Variants in RPS6KC1 observed in about 807,000 individuals in gnomAD.
RPS6KC1 encodes ribosomal protein S6 kinase C1.
In RPS6KC1, 54 loss-of-function variants were observed where a neutral mutation model predicts 103.8. The observed-to-expected ratio is 0.52, with a 90% CI of 0.42 to 0.65. The LOEUF is 0.65. RPS6KC1 is among the 30% of genes least tolerant of loss of function. The probability of loss-of-function intolerance (pLI) is 0.00; values close to 1 mark genes in which losing one functional copy is unlikely to be tolerated. For synonymous variants in RPS6KC1, 439 were observed against 438.7 expected, an observed-to-expected ratio of 1.00 and a Z score of -0.01; for missense variants, 1,151 against 1,253.8, an observed-to-expected ratio of 0.92 and a Z score of 1.24.
the RPS6KC1 span, among the ~76,000 whole-genome samples, chr1:213,537,749 G>C: frequency 6.6e-6 from 1 of 152,072 alleles, no homozygotes; most frequent in Non-Finnish European, 1.5e-5. Context: ...CTGTGTTTGG[G>C]GGCAATTAGA....
At chr1:213,354,115 C>G in the RPS6KC1 span, among the ~76,000 whole-genome samples, 1 of 152,226 alleles carries the variant, frequency 6.6e-6, no homozygotes, top group Non-Finnish European at 1.5e-5. Context: ...CACCATTCCT[C>G]TCTGGTGCCA....
chr1:213,690,494 T>C, the RPS6KC1 span, among the ~76,000 whole-genome samples: 1 of 152,146 alleles, frequency 6.6e-6, no homozygotes, highest in South Asian at 2.1e-4. Flanking sequence ...CCCTGTAATA[T>C]CATCACCAAG....
At chr1:213,089,652 G>A (rs922345134) in intron 3 of RPS6KC1, among the ~76,000 whole-genome samples, 4 of 152,030 alleles carry the variant, frequency 2.6e-5, no homozygotes, top group Non-Finnish European at 5.9e-5. Context: ...AGCAGAGACG[G>A]GGTTTCACCA....
At chr1:213,684,216 T>C in the RPS6KC1 span, among the ~76,000 whole-genome samples, 1 of 152,192 alleles carries the variant, frequency 6.6e-6, no homozygotes, top group Non-Finnish European at 1.5e-5. Flanking sequence ...AAGGCCTTTC[T>C]GTCTATGATC....
At chr1:213,140,339 G>T (rs1367774157) in intron 6 of RPS6KC1, among the ~76,000 whole-genome samples, 1 of 151,998 alleles carries the variant, frequency 6.6e-6, no homozygotes, top group Non-Finnish European at 1.5e-5. Flanking sequence ...TCTTTGTCTT[G>T]CCTGATTGTT....
intron 5 of RPS6KC1, among the ~76,000 whole-genome samples, chr1:213,125,146 T>C (rs141638336): frequency 7.2e-5 from 11 of 152,280 alleles, no homozygotes; most frequent in Admixed American, 2.6e-4. Flanking sequence ...TATTAAATTC[T>C]ATATTATAGA....
chr1:213,102,210 G>C (rs769229484), intron 3 of RPS6KC1, among the ~76,000 whole-genome samples: 1 of 152,168 alleles, frequency 6.6e-6, no homozygotes, highest in African/African-American at 2.4e-5. Context: ...AGCCTCAAGC[G>C]TGGCAGCTGC....
the RPS6KC1 span, among the ~76,000 whole-genome samples, chr1:213,737,196 G>A: frequency 6.6e-6 from 1 of 152,214 alleles, no homozygotes; most frequent in Non-Finnish European, 1.5e-5. Context: ...TGACATGTAA[G>A]TCAGACCTCT....
At chr1:213,657,658 GT>G in the RPS6KC1 span, among the ~76,000 whole-genome samples, 1 of 152,262 alleles carries the variant, frequency 6.6e-6, no homozygotes, top group African/African-American at 2.4e-5. Context: ...ACAAACACAT[GT>G]GAATAATGAA....
intron 8 of RPS6KC1, among the ~76,000 whole-genome samples, chr1:213,187,504 C>G (rs1463516065): frequency 6.6e-6 from 1 of 151,994 alleles, no homozygotes; most frequent in Non-Finnish European, 1.5e-5. Context: ...CCTCGGCCTC[C>G]CACAGTGTTA....
chr1:213,351,081 G>A, the RPS6KC1 span, among the ~76,000 whole-genome samples: 2 of 152,112 alleles, frequency 1.3e-5, no homozygotes, highest in African/African-American at 4.8e-5. Flanking sequence ...TTAAGTACAT[G>A]TACATATTTA....
At chr1:213,052,399 C>T (rs184009203) in intron 1 of RPS6KC1, among the ~76,000 whole-genome samples, 13 of 152,094 alleles carry the variant, frequency 8.5e-5, no homozygotes, top group Non-Finnish European at 1.3e-4. Context: ...GCAGATCTGT[C>T]TGGGATCTGA....
intron 12 of RPS6KC1, among the ~76,000 whole-genome samples, chr1:213,252,260 TA>T (rs2094558982): frequency 6.6e-6 from 1 of 152,216 alleles, no homozygotes; most frequent in Admixed American, 6.5e-5. Flanking sequence ...ATTGTCTGTG[TA>T]GGAACACAGT....
chr1:213,305,059 C>T, the RPS6KC1 span, among the ~76,000 whole-genome samples: 1 of 152,134 alleles, frequency 6.6e-6, no homozygotes, highest in African/African-American at 2.4e-5. Context: ...TTTCCCAGAA[C>T]CTGTCTTTGG....
the RPS6KC1 span, among the ~76,000 whole-genome samples, chr1:213,850,990 C>T: frequency 6.6e-6 from 1 of 152,040 alleles, no homozygotes; most frequent in Non-Finnish European, 1.5e-5. Flanking sequence ...TGGAGCCCTT[C>T]GAATTTTCAA....
intron 12 of RPS6KC1, among the ~76,000 whole-genome samples, chr1:213,261,240 A>G (rs779599987): frequency 6.6e-6 from 1 of 152,162 alleles, no homozygotes; most frequent in East Asian, 1.9e-4. Flanking sequence ...TTGGCTATAC[A>G]TTCTCAAATG....
chr1:213,760,578 G>C, the RPS6KC1 span, among the ~76,000 whole-genome samples: 3 of 152,076 alleles, frequency 2.0e-5, no homozygotes, highest in Admixed American at 2.0e-4. Flanking sequence ...CCACACTTCT[G>C]TCTACCTACA....
Position 213,271,350 on chromosome 1 carries a change from T to C in RPS6KC1, c.3091-1174T>C, listed in dbSNP as rs116555336. 7.0e-3 allele frequency among the ~76,000 whole-genome samples: 1,063 copies of C among 152,240 alleles called. 14 individuals are homozygous for C. The highest frequency in any genetic ancestry group is 0.024 in the African/African-American group (1,007 of 41,536). On this transcript the variant is annotated intron_variant, in intron 14 of 14. Transcript: ENST00000366960. Reference sequence around the variant, plus strand: ...ACTACATATTTTATTATTTTACTTATATGAAATGTTCAGAAAGGGCAACTT... The same window carrying C: ...ACTACATATTTTATTATTTTACTTACATGAAATGTTCAGAAAGGGCAACTT...
At chr1:213,552,409 A>G in the RPS6KC1 span, among the ~76,000 whole-genome samples, 1 of 152,300 alleles carries the variant, frequency 6.6e-6, no homozygotes, top group East Asian at 1.9e-4. Flanking sequence ...GATTTTGGCC[A>G]TTGTAATAGG....
Sources: gnomAD v4.1 joint callset for allele counts (sites outside exome capture counted in the v4.1 genomes callset) on GRCh38, gnomAD v4.1.1 for gene constraint, MANE v1.5 for transcripts, NCBI Gene and HGNC (gene_info 2026-07-23, HGNC 2026-07-21) for gene names.